The following FSCN2 variants were observed in gnomAD, a reference collection of about 807,000 sequenced individuals.
FSCN2 encodes the protein fascin-2.
In FSCN2, 46 loss-of-function variants were observed where a neutral mutation model predicts 37.8. The observed-to-expected ratio is 1.22, with a 90% CI of 0.96 to 1.56. The LOEUF is 1.56. Among genes scored for constraint, FSCN2 ranks in the 40% most tolerant of loss-of-function variants. FSCN2 has a pLI of 0.00. For synonymous variants in FSCN2, 351 were observed against 309.4 expected, an observed-to-expected ratio of 1.13 and a Z score of -1.41; for missense variants, 844 against 730.4, an observed-to-expected ratio of 1.16 and a Z score of -1.79.
Position 81,535,213 on chromosome 17 carries a change from G to T in FSCN2, c.983+5G>T. 1 of 1,524,994 alleles carries T rather than the reference G, an allele frequency of 6.6e-7. No individual in the cohort carries two copies. Among genetic ancestry groups the T allele is most frequent in the South Asian group, 1.2e-5 (1 of 82,966 alleles). 94.5% of individuals were successfully genotyped at this position (1,524,994 alleles called of 1,614,324 possible). The stretch of plus-strand genomic sequence containing the variant: ...TCACGCCACAGCCACACAAGTGTGA[G>T]TGCACACATCCCTTCCTCCTCCATC... On this transcript the variant is annotated splice_donor_5th_base_variant and intron_variant, in intron 2 of 4. Coordinates refer to ENST00000417245, the MANE Select transcript of FSCN2 (RefSeq NM_012418.4).
At chr17:81,527,907 T>TG (rs1413910141), upstream of FSCN2, 2 of 154,760 alleles carry the variant, frequency 1.3e-5, no homozygotes, top group Admixed American at 1.3e-4. Flanking sequence ...CTGCAGGTTG[T>TG]GGCTGGGGTC....
the FSCN2 span, among the ~76,000 whole-genome samples, chr17:81,521,945 C>T: frequency 6.6e-6 from 1 of 152,166 alleles, no homozygotes; most frequent in Non-Finnish European, 1.5e-5. Flanking sequence ...CCAGAAATGT[C>T]CTCCGTAGTG....
At chr17:81,531,153 G>T (rs577122734) in intron 1 of FSCN2, among the ~76,000 whole-genome samples, 121 of 144,554 alleles carry the variant, frequency 8.4e-4, no homozygotes, top group African/African-American at 3.0e-3. Context: ...GACAATGATG[G>T]TGATGGTGAT....
the FSCN2 span, among the ~76,000 whole-genome samples, chr17:81,520,828 C>T: frequency 1.9e-3 from 295 of 152,286 alleles, no homozygotes; most frequent in African/African-American, 6.6e-3. Flanking sequence ...ACTTCCTAGG[C>T]CCTGTTCTTG....
intron 1 of FSCN2, among the ~76,000 whole-genome samples, chr17:81,532,269 ATGG>A (rs1213626711): frequency 1.3e-4 from 17 of 135,390 alleles, no homozygotes; most frequent in South Asian, 2.5e-4. Flanking sequence ...GATGATAGTG[ATGG>A]TGGTGATGGT....
At chr17:81,532,116 A>ATAG (rs2032674070) in intron 1 of FSCN2, among the ~76,000 whole-genome samples, 1 of 109,834 alleles carries the variant, frequency 9.1e-6, no homozygotes, top group African/African-American at 3.6e-5. Flanking sequence ...AGTGATGGCG[A>ATAG]TGATGGTGAT....
At chr17:81,516,150 GTCTC>G in the FSCN2 span, among the ~76,000 whole-genome samples, 1 of 152,256 alleles carries the variant, frequency 6.6e-6, no homozygotes, top group African/African-American at 2.4e-5. Flanking sequence ...AGCCTGGAGT[GTCTC>G]ATCTTCCACC....
the FSCN2 span, among the ~76,000 whole-genome samples, chr17:81,520,157 CAG>C: frequency 1.1e-3 from 173 of 152,236 alleles, no homozygotes; most frequent in African/African-American, 3.8e-3. Flanking sequence ...CCGGGAAAGT[CAG>C]AGGGGGCACT....
intron 1 of FSCN2, among the ~76,000 whole-genome samples, chr17:81,532,610 G>T (rs2032729090): frequency 2.1e-5 from 3 of 142,460 alleles, no homozygotes; most frequent in Non-Finnish European, 4.5e-5. Flanking sequence ...TGATGGTGAT[G>T]GTGATGATAA....
In FSCN2 at chr17:81,536,217, A is replaced by T. The variant is rs747548612; in HGVS notation, c.1055A>T (p.Tyr352Phe). The T allele has an allele frequency of 2.5e-6, 4 of 1,601,304 alleles. No homozygotes were observed. In the African/African-American group the frequency reaches 5.4e-5, roughly 21 times the overall value. The change falls in exon 3 of 5, where the codon TAC (tyrosine) becomes TTC (phenylalanine). Residue 352 changes from tyrosine (Y) to phenylalanine (F), a missense_variant. By Grantham distance (22) the Tyr-to-Phe change is conservative. Transcript: ENST00000417245. The stretch of plus-strand genomic sequence containing the variant: ...GCACTCAAAGCCAGCAACGGGCGCT[A>T]CGTGTGCATGAAGAAGAATGGGCAG... ...RVALKASNGR[Y>F]VCMKKNGQLA...
intron 1 of FSCN2, among the ~76,000 whole-genome samples, chr17:81,532,612 T>G (rs2032729190): frequency 7.0e-6 from 1 of 143,544 alleles, no homozygotes; most frequent in African/African-American, 2.8e-5. Context: ...ATGGTGATGG[T>G]GATGATAATG....
At chr17:81,531,605 A>G (rs796315161) in intron 1 of FSCN2, among the ~76,000 whole-genome samples, 1,489 of 26,456 alleles carry the variant, frequency 0.056, no homozygotes, top group Middle Eastern at 0.12. Flanking sequence ...TAGTGATGAT[A>G]ATGGTGATGA....
intron 1 of FSCN2, among the ~76,000 whole-genome samples, chr17:81,531,408 A>C (rs868987480): frequency 1.5e-5 from 1 of 68,004 alleles, no homozygotes; most frequent in African/African-American, 6.0e-5. Flanking sequence ...GGTGATGGTG[A>C]TGGTGGTGGT....
chr17:81,531,566 G>GATC (rs1458390165), intron 1 of FSCN2, among the ~76,000 whole-genome samples: 2 of 128,666 alleles, frequency 1.6e-5, no homozygotes, highest in East Asian at 4.3e-4. Flanking sequence ...TGATGGTGAT[G>GATC]ATAGTGATGG....
chr17:81,515,409 G>T, the FSCN2 span, among the ~76,000 whole-genome samples: 1 of 152,248 alleles, frequency 6.6e-6, no homozygotes, highest in Non-Finnish European at 1.5e-5. Flanking sequence ...CGCCAGAGGT[G>T]GGTGTGTCCT....
rs1568083969 is a variant in FSCN2 at position 81,536,895 on chromosome 17, T to G, written c.1294T>G (p.Tyr432Asp). Residue 432 changes from tyrosine (Y) to aspartate (D), a missense_variant, in exon 5 of 5, where the codon TAC becomes GAC. By Grantham distance (160) the Tyr-to-Asp change is radical. Transcript: ENST00000417245. ...RIRGRDGGFW[Y>D]TGSHGSVCSD... is the part of the protein sequence containing the mutation. ...CCCAGGCCGCGACGGAGGGTTCTGG[T>G]ACACGGGCAGCCACGGCAGCGTGTG... is the stretch of plus-strand genomic sequence containing the variant. 1.9e-6 allele frequency: 3 copies of G among 1,578,386 alleles called. No individual in the cohort carries two copies. The highest frequency in any genetic ancestry group is 2.6e-6 in the Non-Finnish European group (3 of 1,164,336).
chr17:81,519,886 C>T, the FSCN2 span, among the ~76,000 whole-genome samples: 1 of 152,198 alleles, frequency 6.6e-6, no homozygotes, highest in East Asian at 1.9e-4. Flanking sequence ...GCGTTTTTCC[C>T]GCACTCTGCT....
chr17:81,536,845 C>T (rs1463812654), intron 4 of FSCN2, 30 bp from the exon 5 acceptor site: 1 of 1,548,922 alleles, frequency 6.5e-7, no homozygotes, highest in Non-Finnish European at 8.7e-7. Flanking sequence ...GGCAGGTGGG[C>T]ACCCCCGCCG....
chr17:81,535,020 G>A (rs757252802), intron 1 of FSCN2, 32 bp from the exon 2 acceptor site: 27 of 1,502,714 alleles, frequency 1.8e-5, no homozygotes, highest in Non-Finnish European at 1.8e-6. Flanking sequence ...CCCAGGAGAG[G>A]CGTGAGGGGC....
Sources: allele counts gnomAD v4.1 joint callset (sites outside exome capture counted in the v4.1 genomes callset), GRCh38; gene constraint gnomAD v4.1.1; transcripts MANE v1.5; gene names NCBI Gene and HGNC (gene_info 2026-07-23, HGNC 2026-07-21).